ZNF423: variants seen among roughly 807,000 people sequenced by gnomAD.
ZNF423 encodes the protein Ebf-associated zinc finger protein.
A neutral mutation model predicts 95.8 loss-of-function variants in ZNF423; 12 were observed. That is an observed-to-expected ratio of 0.13 (90% CI 0.08 to 0.20). ZNF423 has a LOEUF of 0.20. Ranked by LOEUF, ZNF423 falls within the 10% of genes least tolerant of loss-of-function variation. The pLI, the probability that ZNF423 is intolerant of heterozygous loss-of-function variation, is 1.00. For synonymous variants in ZNF423, 749 were observed against 711.9 expected (o/e 1.05, Z -0.83); for missense variants, 1,316 against 1,737.1 (o/e 0.76, Z 4.31).
intron 2 of ZNF423, among the ~76,000 whole-genome samples, chr16:49,753,558 G>A (rs116947623): frequency 0.016 from 2,351 of 149,276 alleles, 29 homozygotes; most frequent in Non-Finnish European, 0.026. Context: ...AGCTGTGACT[G>A]CACCACTGCA....
chr16:49,777,238 T>C (rs1453504240), intron 2 of ZNF423, among the ~76,000 whole-genome samples: 1 of 152,228 alleles, frequency 6.6e-6, no homozygotes, highest in African/African-American at 2.4e-5. Flanking sequence ...GTGTGGAGTA[T>C]GCATATGCCA....
intron 1 of ZNF423, among the ~76,000 whole-genome samples, chr16:49,840,830 G>A (rs1218668988): frequency 2.0e-5 from 3 of 152,128 alleles, no homozygotes; most frequent in African/African-American, 7.2e-5. Flanking sequence ...GCACATACAG[G>A]CACACAGACT....
chr16:49,644,287 G>A (rs1030154922), intron 3 of ZNF423, among the ~76,000 whole-genome samples: 1 of 152,044 alleles, frequency 6.6e-6, no homozygotes, highest in Non-Finnish European at 1.5e-5. Flanking sequence ...AGTTTGGGGG[G>A]AAGATAGCTG....
intron 7 of ZNF423, among the ~76,000 whole-genome samples, chr16:49,500,805 G>T (rs1967368372): frequency 6.6e-6 from 1 of 151,934 alleles, no homozygotes; most frequent in Non-Finnish European, 1.5e-5. Context: ...CTACTCGGAT[G>T]GCTGAGGCGG....
chr16:49,579,202 T>C (rs1282302839), intron 5 of ZNF423, among the ~76,000 whole-genome samples: 2 of 151,852 alleles, frequency 1.3e-5, no homozygotes, highest in Admixed American at 6.6e-5. Context: ...GTCCAAGCAA[T>C]TACTCCCTGC....
chr16:49,649,473 T>A (rs558127813), intron 3 of ZNF423, among the ~76,000 whole-genome samples: 35 of 152,298 alleles, frequency 2.3e-4, no homozygotes, highest in African/African-American at 8.4e-4. Context: ...GGTGGTTTTT[T>A]AATTCAGCAC....
intron 2 of ZNF423, among the ~76,000 whole-genome samples, chr16:49,776,565 C>A (rs1404960242): frequency 6.6e-6 from 1 of 152,236 alleles, no homozygotes; most frequent in Non-Finnish European, 1.5e-5. Context: ...CCTCCCCCAG[C>A]CCCGACCCTG....
chr16:49,689,139 G>A (rs2031680478), intron 3 of ZNF423, among the ~76,000 whole-genome samples: 1 of 152,166 alleles, frequency 6.6e-6, no homozygotes, highest in African/African-American at 2.4e-5. Context: ...CTAAGATTGT[G>A]TTGTATAATA....
chr16:49,825,626 A>G (rs2034997093), intron 1 of ZNF423, among the ~76,000 whole-genome samples: 2 of 151,748 alleles, frequency 1.3e-5, no homozygotes, highest in African/African-American at 4.9e-5. Flanking sequence ...GGCAGCCATC[A>G]GCAAGAAAAA....
chr16:49,605,861 A>G (rs992171086), intron 5 of ZNF423, among the ~76,000 whole-genome samples: 4 of 152,224 alleles, frequency 2.6e-5, no homozygotes, highest in African/African-American at 9.6e-5. Context: ...AGATGTGCTA[A>G]TGACAAAACT....
At chr16:49,815,896 ATATATATATATATATATATTTT>A (rs2034839421) in intron 1 of ZNF423, among the ~76,000 whole-genome samples, 3 of 55,116 alleles carry the variant, frequency 5.4e-5, no homozygotes, top group Middle Eastern at 8.2e-3. Flanking sequence ...ATATATATAT[ATATATATATATATATATATTTT>A]TTTTTTTTTT....
At chr16:49,663,486 C>T (rs572018100) in intron 3 of ZNF423, among the ~76,000 whole-genome samples, 17 of 152,236 alleles carry the variant, frequency 1.1e-4, no homozygotes, top group Admixed American at 5.2e-4. Flanking sequence ...CTTGGCATGC[C>T]GCCCCTGTGA....
chr16:49,858,660 C>T (rs2035397489), upstream of ZNF423, among the ~76,000 whole-genome samples: 1 of 151,624 alleles, frequency 6.6e-6, no homozygotes, highest in Admixed American at 6.6e-5. The surrounding 1 kb of genome is among the most constrained non-coding windows in gnomAD (Gnocchi z 4.3). Context: ...CCACAGTCCT[C>T]CCCAGCTTGT....
intron 1 of ZNF423, among the ~76,000 whole-genome samples, chr16:49,806,646 A>G (rs2034668176): frequency 6.6e-6 from 1 of 151,996 alleles, no homozygotes. Flanking sequence ...GTGTGCTTCC[A>G]TCTGGTTCTG....
intron 2 of ZNF423, among the ~76,000 whole-genome samples, chr16:49,758,198 G>A (rs1398678619): frequency 2.0e-5 from 3 of 152,194 alleles, no homozygotes; most frequent in Non-Finnish European, 2.9e-5. Flanking sequence ...GAGTGCAGTG[G>A]CATGATCTTA....
chr16:49,571,146 C>G (rs1314779833), intron 5 of ZNF423, among the ~76,000 whole-genome samples: 1 of 152,162 alleles, frequency 6.6e-6, no homozygotes, highest in Non-Finnish European at 1.5e-5. Context: ...TGCTAGGCAT[C>G]TATAGTGTGC....
At chr16:49,658,456 G>A (rs2030010861) in intron 3 of ZNF423, among the ~76,000 whole-genome samples, 1 of 152,242 alleles carries the variant, frequency 6.6e-6, no homozygotes, top group East Asian at 1.9e-4. Flanking sequence ...TCTACAACAC[G>A]ACAGAGGAAA....
chr16:49,505,882 G>T (rs1001541764), intron 7 of ZNF423, among the ~76,000 whole-genome samples: 2 of 152,164 alleles, frequency 1.3e-5, no homozygotes, highest in Admixed American at 1.3e-4. Flanking sequence ...ACCAAACAGT[G>T]GGCACATTGT....
rs111863187 is a variant in ZNF423, at chr16:49,772,379, G to A, written c.100+17108C>T. On this transcript the variant is annotated intron_variant, in intron 2 of 7. Transcript: ENST00000563137. ...GCCATCAAAATGCTCATCTCTTCCC[G>A]AAATACCTGCACAGTCACACTCTGA... Among the ~76,000 whole-genome samples the A allele has an allele frequency of 6.0e-4, 92 of 152,286 alleles. 1 individual carries two copies. Among genetic ancestry groups the A allele is most frequent in the African/African-American group, 2.2e-3 (90 of 41,562 alleles).
Sources: allele counts gnomAD v4.1 joint callset (sites outside exome capture counted in the v4.1 genomes callset), GRCh38; gene constraint gnomAD v4.1.1; non-coding constraint Gnocchi (gnomAD v3.1); transcripts MANE v1.5; gene names NCBI Gene and HGNC (gene_info 2026-07-23, HGNC 2026-07-21).